Variants in LARGE1 observed in about 807,000 individuals in gnomAD.
The protein encoded by LARGE1 is xylosyl- and glucuronyltransferase LARGE1.
In LARGE1, 43 loss-of-function variants were observed where a neutral mutation model predicts 87.6. That is an observed-to-expected ratio of 0.49 (90% CI 0.38 to 0.63). The LOEUF (loss-of-function observed/expected upper bound fraction) is 0.63, where lower values mean the gene tolerates loss of function less well. Among genes scored for constraint, LARGE1 ranks in the 30% least tolerant of loss-of-function variants. The pLI, the probability that LARGE1 is intolerant of heterozygous loss-of-function variation, is 0.00. For missense variants in LARGE1, 802 were observed against 1,000.2 expected (o/e 0.80, Z 2.67); for synonymous variants, 434 against 394.6 (o/e 1.10, Z -1.18).
intron 7 of LARGE1, among the ~76,000 whole-genome samples, chr22:33,418,243 G>A (rs1255814803): frequency 6.6e-6 from 1 of 152,092 alleles, no homozygotes; most frequent in Non-Finnish European, 1.5e-5. Flanking sequence ...CACTGCAGCC[G>A]GCCAGAAATT....
intron 1 of LARGE1, among the ~76,000 whole-genome samples, chr22:33,918,409 T>C (rs1358264793): frequency 1.3e-5 from 2 of 152,190 alleles, no homozygotes; most frequent in African/African-American, 4.8e-5. Context: ...TAAATCTTGG[T>C]GATTTTTGCC....
At chr22:33,519,235 C>CGT (rs3071590) in intron 6 of LARGE1, among the ~76,000 whole-genome samples, 9,117 of 149,584 alleles carry the variant, frequency 0.061, 267 homozygotes, top group Admixed American at 0.087. Flanking sequence ...CGTGCGCGCG[C>CGT]GTGTGTGTGT....
At chr22:33,498,697 C>T (rs959101904) in intron 6 of LARGE1, among the ~76,000 whole-genome samples, 3 of 152,142 alleles carry the variant, frequency 2.0e-5, no homozygotes, top group African/African-American at 7.2e-5. Flanking sequence ...ACAGGCCAGG[C>T]GCGGGGGCTC....
At chr22:33,278,589 G>A (rs139758471) in intron 13 of LARGE1, among the ~76,000 whole-genome samples, 9 of 140,574 alleles carry the variant, frequency 6.4e-5, no homozygotes, top group South Asian at 2.2e-4. Context: ...ACACACACAC[G>A]CAGATATTGT....
At chr22:33,445,000 T>C (rs2067630056) in intron 6 of LARGE1, among the ~76,000 whole-genome samples, 1 of 152,110 alleles carries the variant, frequency 6.6e-6, no homozygotes, top group African/African-American at 2.4e-5. Flanking sequence ...CGGCTCATTT[T>C]TGTATTTTTG....
intron 6 of LARGE1, among the ~76,000 whole-genome samples, chr22:33,473,162 ATC>A (rs772121333): frequency 2.6e-5 from 4 of 151,476 alleles, no homozygotes; most frequent in Non-Finnish European, 5.9e-5. Flanking sequence ...ACTTTTTCAT[ATC>A]TCTCTTTTTT....
intron 6 of LARGE1, among the ~76,000 whole-genome samples, chr22:33,492,019 G>C (rs965934980): frequency 1.3e-5 from 2 of 152,184 alleles, no homozygotes; most frequent in Non-Finnish European, 2.9e-5. Flanking sequence ...AGATACAAAA[G>C]TATCAGTGGC....
At chr22:33,812,459 T>C (rs571136987) in intron 1 of LARGE1, among the ~76,000 whole-genome samples, 1 of 152,324 alleles carries the variant, frequency 6.6e-6, no homozygotes, top group Non-Finnish European at 1.5e-5. Context: ...TGCGGTGCCT[T>C]TTCTCTTCAT....
intron 6 of LARGE1, among the ~76,000 whole-genome samples, chr22:33,531,834 A>G (rs2072218591): frequency 6.6e-6 from 1 of 152,232 alleles, no homozygotes; most frequent in Non-Finnish European, 1.5e-5. Context: ...GAAGTTAGAA[A>G]GAATGGTTTA....
chr22:33,223,750 T>C (rs893217674), intron 11 of LARGE1, among the ~76,000 whole-genome samples: 3 of 152,200 alleles, frequency 2.0e-5, no homozygotes, highest in South Asian at 4.1e-4. Context: ...GTTATACACT[T>C]ATCTAAAAAT....
At chr22:33,545,446 ACAC>A (rs2077334752) in intron 6 of LARGE1, among the ~76,000 whole-genome samples, 1 of 123,988 alleles carries the variant, frequency 8.1e-6, no homozygotes. Context: ...ACACACACAC[ACAC>A]AATTTCTTCT....
At chr22:33,133,847 T>C in the LARGE1 span, among the ~76,000 whole-genome samples, 3 of 152,030 alleles carry the variant, frequency 2.0e-5, no homozygotes, top group African/African-American at 7.2e-5. Flanking sequence ...CAGCATCTGT[T>C]GTTTCTGAGC....
chr22:33,606,439 A>AAATAAAATAT (rs2079265461), intron 4 of LARGE1, among the ~76,000 whole-genome samples: 1 of 151,644 alleles, frequency 6.6e-6, no homozygotes. Context: ...AAATAAAATA[A>AAATAAAATAT]AATAAAATAA....
At chr22:33,141,826 G>A in the LARGE1 span, among the ~76,000 whole-genome samples, 1 of 152,090 alleles carries the variant, frequency 6.6e-6, no homozygotes, top group Non-Finnish European at 1.5e-5. Context: ...TAATACCTGG[G>A]CCTCTTTAAA....
At position 33,221,277 on chromosome 22, in the gene LARGE1, A is replaced by G. The variant is rs184770511; in HGVS notation, c.1731-54445T>C. Among the ~76,000 whole-genome samples, 1,251 of 152,278 alleles carry G rather than the reference A, an allele frequency of 8.2e-3. 19 individuals are homozygous for G. The highest frequency in any genetic ancestry group is 0.029 in the African/African-American group (1,184 of 41,540). On this transcript the variant is annotated intron_variant, in intron 11 of 11. Coordinates refer to the LARGE1 transcript ENST00000608642. ...GCTGTGTACATCTCTAGCAAGGTCA[A>G]TTACAAACATCGAGGGGAAATGCCT...
chr22:33,633,803 T>C (rs1328162128), intron 3 of LARGE1, among the ~76,000 whole-genome samples: 1 of 152,068 alleles, frequency 6.6e-6, no homozygotes, highest in East Asian at 1.9e-4. Flanking sequence ...AGGCAAGACC[T>C]CCCAGAGGAC....
At chr22:33,793,599 G>T (rs922847034) in intron 1 of LARGE1, among the ~76,000 whole-genome samples, 4 of 152,194 alleles carry the variant, frequency 2.6e-5, no homozygotes, top group Non-Finnish European at 4.4e-5. Flanking sequence ...TTTCTCAGGA[G>T]AACAGCTTTT....
intron 11 of LARGE1, among the ~76,000 whole-genome samples, chr22:33,184,678 C>T (rs1923379114): frequency 6.6e-6 from 1 of 151,834 alleles, no homozygotes; most frequent in African/African-American, 2.4e-5. Context: ...TTTGCAAAAA[C>T]ATATCTATAC....
At chr22:33,192,448 T>C (rs1223433039) in intron 11 of LARGE1, among the ~76,000 whole-genome samples, 1 of 152,208 alleles carries the variant, frequency 6.6e-6, no homozygotes. Context: ...TTCACAAACC[T>C]GTTGGCCATT....
Sources: allele counts gnomAD v4.1 joint callset (sites outside exome capture counted in the v4.1 genomes callset), GRCh38; gene constraint gnomAD v4.1.1; transcripts MANE v1.5; gene names NCBI Gene and HGNC (gene_info 2026-07-23, HGNC 2026-07-21).